ESR1: variants seen among roughly 807,000 people sequenced by gnomAD.
The protein encoded by ESR1 is estrogen receptor 1, also known as estrogen receptor.
In ESR1, 12 loss-of-function variants were observed where a neutral mutation model predicts 52.7. The observed-to-expected ratio is 0.23, with a 90% CI of 0.15 to 0.37. The LOEUF (loss-of-function observed/expected upper bound fraction) is 0.37, where lower values mean the gene tolerates loss of function less well. Among genes scored for constraint, ESR1 ranks in the 10% least tolerant of loss-of-function variants. The probability of loss-of-function intolerance (pLI) is 1.00; values close to 1 mark genes in which losing one functional copy is unlikely to be tolerated. For missense variants in ESR1, 584 were observed against 779.7 expected, an observed-to-expected ratio of 0.75 and a Z score of 2.99; for synonymous variants, 305 against 316.8, an observed-to-expected ratio of 0.96 and a Z score of 0.39.
At chr6:152,031,450 AG>A (rs2044695323) in intron 5 of ESR1, among the ~76,000 whole-genome samples, 1 of 152,226 alleles carries the variant, frequency 6.6e-6, no homozygotes, top group Non-Finnish European at 1.5e-5. Context: ...AAAATGATAA[AG>A]GGGATATCAC....
chr6:151,787,514 A>C (rs1787137602), intron 2 of ESR1, among the ~76,000 whole-genome samples: 1 of 151,936 alleles, frequency 6.6e-6, no homozygotes, highest in South Asian at 2.1e-4. Flanking sequence ...GTCATCTCTG[A>C]TTTATTTGAG....
exon 7 of ESR1, chr6:152,125,937 T>C (rs539499732): frequency 6.6e-6 from 1 of 152,470 alleles, no homozygotes; most frequent in African/African-American, 2.4e-5. Flanking sequence ...GCACCCCTCA[T>C]CTTTGCAAAT....
intron 3 of ESR1, among the ~76,000 whole-genome samples, chr6:151,919,286 A>G (rs1040771722): frequency 4.6e-5 from 7 of 152,146 alleles, no homozygotes; most frequent in African/African-American, 1.7e-4. Flanking sequence ...AATTTGTGTT[A>G]TATTCAGTGT....
At chr6:151,695,292 G>C (rs1043896733) in intron 1 of ESR1, among the ~76,000 whole-genome samples, 7 of 152,132 alleles carry the variant, frequency 4.6e-5, no homozygotes, top group Admixed American at 4.6e-4. Flanking sequence ...TTCCTACTAA[G>C]AATGGATATA....
At chr6:151,992,581 A>G (rs1300167513) in intron 4 of ESR1, among the ~76,000 whole-genome samples, 1 of 152,162 alleles carries the variant, frequency 6.6e-6, no homozygotes, top group South Asian at 2.1e-4. Flanking sequence ...GTCATATTCT[A>G]GGGACACTCA....
At chr6:152,116,076 A>C (rs1451253656) in intron 6 of ESR1, among the ~76,000 whole-genome samples, 1 of 152,174 alleles carries the variant, frequency 6.6e-6, no homozygotes, top group African/African-American at 2.4e-5. Context: ...ACATTAAAGG[A>C]GGGTATGAGG....
chr6:151,679,550 A>T (rs1219129098), intron 1 of ESR1, among the ~76,000 whole-genome samples: 2 of 152,062 alleles, frequency 1.3e-5, no homozygotes, highest in East Asian at 3.9e-4. Flanking sequence ...GGGTTTCACC[A>T]TGTCGGCCAG....
intron 4 of ESR1, among the ~76,000 whole-genome samples, chr6:151,958,103 G>A (rs1369069171): frequency 6.6e-6 from 1 of 152,148 alleles, no homozygotes; most frequent in African/African-American, 2.4e-5. Flanking sequence ...AATTGTACCT[G>A]GAATAAATGA....
At chr6:152,073,220 T>C (rs1365890026) in intron 6 of ESR1, among the ~76,000 whole-genome samples, 2 of 152,228 alleles carry the variant, frequency 1.3e-5, no homozygotes, top group Non-Finnish European at 2.9e-5. Context: ...GTAATACCCA[T>C]ACAGCAAACT....
intron 1 of ESR1, among the ~76,000 whole-genome samples, chr6:151,680,196 T>G (rs916878780): frequency 5.0e-5 from 7 of 140,722 alleles, no homozygotes; most frequent in Admixed American, 4.7e-4. Context: ...TTGCTTTTTT[T>G]CTTTTCTCTT....
chr6:151,661,147 T>A (rs1358348306), intron 1 of ESR1, among the ~76,000 whole-genome samples: 9 of 152,254 alleles, frequency 5.9e-5, no homozygotes, highest in Non-Finnish European at 1.3e-4. Flanking sequence ...TGCAATTATT[T>A]AGAAAATTCT....
intron 5 of ESR1, among the ~76,000 whole-genome samples, chr6:152,022,526 A>G (rs1562683750): frequency 6.6e-6 from 1 of 152,162 alleles, no homozygotes; most frequent in Non-Finnish European, 1.5e-5. Context: ...GATAATAGAG[A>G]AAAGGTATCC....
intron 3 of ESR1, among the ~76,000 whole-genome samples, chr6:151,888,538 T>C (rs1794222749): frequency 6.6e-6 from 1 of 152,208 alleles, no homozygotes; most frequent in South Asian, 2.1e-4. Flanking sequence ...CTTTACTGAA[T>C]TTGTTTATTA....
intron 3 of ESR1, among the ~76,000 whole-genome samples, chr6:151,928,645 C>CTTA (rs950890011): frequency 1.5e-4 from 22 of 151,498 alleles, no homozygotes; most frequent in African/African-American, 3.2e-4. Flanking sequence ...TAGGTGGTGG[C>CTTA]TTAGGTTGGT....
chr6:151,850,486 A>G (rs1786465556), intron 2 of ESR1, among the ~76,000 whole-genome samples: 1 of 151,820 alleles, frequency 6.6e-6, no homozygotes, highest in Non-Finnish European at 1.5e-5. Flanking sequence ...GACAGAAGAG[A>G]AACATCTACA....
intron 5 of ESR1, among the ~76,000 whole-genome samples, chr6:152,020,093 T>C (rs577700077): frequency 2.0e-5 from 3 of 152,322 alleles, no homozygotes; most frequent in Admixed American, 2.0e-4. Context: ...TCGCATCTAG[T>C]GTATCTTCCT....
chr6:151,856,860 C>T (rs1787937063), intron 2 of ESR1, among the ~76,000 whole-genome samples: 1 of 152,040 alleles, frequency 6.6e-6, no homozygotes, highest in African/African-American at 2.4e-5. Context: ...TGATTTTGTT[C>T]CCACATCTCC....
chr6:151,811,700 A>T (rs1447005742), intron 1 of ESR1, among the ~76,000 whole-genome samples: 1 of 152,116 alleles, frequency 6.6e-6, no homozygotes, highest in Non-Finnish European at 1.5e-5. Flanking sequence ...CTTAGATAAC[A>T]TTTCAGCCCC....
chr6:151,767,837 C>T (rs1041296581), intron 2 of ESR1, among the ~76,000 whole-genome samples: 1 of 152,156 alleles, frequency 6.6e-6, no homozygotes, highest in African/African-American at 2.4e-5. Flanking sequence ...AATTGACTGA[C>T]AAGCAAAGAA....
Sources: gnomAD v4.1 joint callset for allele counts (sites outside exome capture counted in the v4.1 genomes callset) on GRCh38, gnomAD v4.1.1 for gene constraint, MANE v1.5 for transcripts, NCBI Gene and HGNC (gene_info 2026-07-23, HGNC 2026-07-21) for gene names.